The following PDE1A variants were observed in gnomAD, a reference collection of about 807,000 sequenced individuals.
PDE1A encodes the protein phosphodiesterase 1A.
In PDE1A, 35 loss-of-function variants were observed where a neutral mutation model predicts 61.7. The ratio of observed to expected loss-of-function variants is 0.57; its 90% CI spans 0.43 to 0.75. The LOEUF is 0.75. Among genes scored for constraint, PDE1A ranks in the 30% least tolerant of loss-of-function variants. The pLI is 0.00. For missense variants in PDE1A, 597 were observed against 630.6 expected, an observed-to-expected ratio of 0.95 and a Z score of 0.57; for synonymous variants, 232 against 213.2, an observed-to-expected ratio of 1.09 and a Z score of -0.77.
the PDE1A span, among the ~76,000 whole-genome samples, chr2:182,699,972 A>G: frequency 5.6e-3 from 856 of 152,254 alleles, 10 homozygotes; most frequent in Non-Finnish European, 8.2e-3. Context: ...TCAGCTGGCT[A>G]CTGGTGCTAC....
chr2:182,370,504 G>A (rs965954403), intron 1 of PDE1A, among the ~76,000 whole-genome samples: 2 of 152,152 alleles, frequency 1.3e-5, no homozygotes, highest in Admixed American at 1.3e-4. Context: ...ACAATGTCAG[G>A]CAATTTTTCT....
intron 1 of PDE1A, among the ~76,000 whole-genome samples, chr2:182,307,913 G>A (rs777800240): frequency 2.0e-5 from 3 of 151,834 alleles, no homozygotes; most frequent in Non-Finnish European, 2.9e-5. Flanking sequence ...TGTTGGTGAG[G>A]GTGTGGAGAA....
At chr2:182,390,700 C>T (rs1701370245) in intron 1 of PDE1A, among the ~76,000 whole-genome samples, 1 of 152,134 alleles carries the variant, frequency 6.6e-6, no homozygotes, top group Non-Finnish European at 1.5e-5. Context: ...TCAGCCTCAC[C>T]AGGTGTCTAC....
At chr2:182,632,360 T>C in the PDE1A span, among the ~76,000 whole-genome samples, 1 of 152,206 alleles carries the variant, frequency 6.6e-6, no homozygotes, top group Non-Finnish European at 1.5e-5. Context: ...ATGTAAGATT[T>C]AGCATCCACC....
At chr2:182,299,077 G>C (rs2125912009) in intron 1 of PDE1A, among the ~76,000 whole-genome samples, 1 of 152,108 alleles carries the variant, frequency 6.6e-6, no homozygotes, top group South Asian at 2.1e-4. Flanking sequence ...AATGTGTAGA[G>C]TATCAATTCC....
At chr2:182,685,592 T>G in the PDE1A span, among the ~76,000 whole-genome samples, 2 of 152,176 alleles carry the variant, frequency 1.3e-5, no homozygotes, top group Non-Finnish European at 2.9e-5. Flanking sequence ...TGCTTGCTAT[T>G]ATTAAAACGC....
intron 2 of PDE1A, among the ~76,000 whole-genome samples, chr2:182,433,016 C>T (rs545124670): frequency 6.6e-6 from 1 of 152,206 alleles, no homozygotes; most frequent in African/African-American, 2.4e-5. Flanking sequence ...CATCCTCCAC[C>T]TGGATCTCTA....
chr2:182,230,278 G>T, intron 5 of PDE1A, 132 bp from the exon 6 acceptor site: 1 of 658,716 alleles, frequency 1.5e-6, no homozygotes, highest in Non-Finnish European at 2.5e-6. Context: ...AATGTTGATT[G>T]TTCTGAAAAA....
At chr2:182,631,544 C>A in the PDE1A span, among the ~76,000 whole-genome samples, 2 of 152,120 alleles carry the variant, frequency 1.3e-5, no homozygotes, top group Non-Finnish European at 2.9e-5. Context: ...ACAGGCATAC[C>A]CCCCAGAAAC....
At chr2:182,706,070 G>C in the PDE1A span, among the ~76,000 whole-genome samples, 1 of 152,208 alleles carries the variant, frequency 6.6e-6, no homozygotes, top group African/African-American at 2.4e-5. Context: ...GAAGCCTATA[G>C]TCAAATGTGA....
intron 2 of PDE1A, among the ~76,000 whole-genome samples, chr2:182,485,804 T>C (rs748850607): frequency 5.9e-5 from 9 of 152,076 alleles, no homozygotes; most frequent in Non-Finnish European, 8.8e-5. Flanking sequence ...ATATTCATGA[T>C]TTTAAAAAAT....
the PDE1A span, among the ~76,000 whole-genome samples, chr2:182,714,098 C>T: frequency 6.6e-6 from 1 of 152,174 alleles, no homozygotes; most frequent in Admixed American, 6.5e-5. Flanking sequence ...ATGGGTTCTT[C>T]TTCTTCAGCC....
chr2:182,237,135 G>A (rs907339955), intron 3 of PDE1A, among the ~76,000 whole-genome samples: 4 of 152,172 alleles, frequency 2.6e-5, no homozygotes, highest in Admixed American at 2.6e-4. Flanking sequence ...AACTGGAAAT[G>A]TAGTGGATTA....
At chr2:182,389,557 A>G (rs1701304656) in intron 1 of PDE1A, among the ~76,000 whole-genome samples, 1 of 152,204 alleles carries the variant, frequency 6.6e-6, no homozygotes, top group Non-Finnish European at 1.5e-5. Context: ...AATAAATAAA[A>G]TAAAACCAAA....
At chr2:182,149,474 C>A (rs1005742402) in intron 13 of PDE1A, among the ~76,000 whole-genome samples, 1 of 152,210 alleles carries the variant, frequency 6.6e-6, no homozygotes, top group South Asian at 2.1e-4. Context: ...AGTTTCGTAG[C>A]ACTGAAAAAG....
the PDE1A span, among the ~76,000 whole-genome samples, chr2:182,671,361 TG>T: frequency 6.8e-4 from 78 of 114,158 alleles, no homozygotes; most frequent in South Asian, 2.9e-3. Flanking sequence ...TTTTTTTTTT[TG>T]TATTTTTAGT....
chr2:182,328,612 T>C (rs908315885), intron 1 of PDE1A, among the ~76,000 whole-genome samples: 12 of 152,126 alleles, frequency 7.9e-5, no homozygotes, highest in Non-Finnish European at 1.8e-4. Context: ...GGCTGGAGAC[T>C]GAGATGCTAG....
At chr2:182,359,305 C>T (rs571791035) in intron 1 of PDE1A, among the ~76,000 whole-genome samples, 1 of 152,224 alleles carries the variant, frequency 6.6e-6, no homozygotes, top group African/African-American at 2.4e-5. Flanking sequence ...AGTGGATAGT[C>T]TCTTAAAAAG....
chr2:182,280,403 C>A (rs1026422870), intron 1 of PDE1A, among the ~76,000 whole-genome samples: 1 of 151,994 alleles, frequency 6.6e-6, no homozygotes, highest in Admixed American at 6.6e-5. Flanking sequence ...GATTCTATGA[C>A]CTCACTTCTG....
Sources: allele counts gnomAD v4.1 joint callset (sites outside exome capture counted in the v4.1 genomes callset), GRCh38; gene constraint gnomAD v4.1.1; transcripts MANE v1.5; gene names NCBI Gene and HGNC (gene_info 2026-07-23, HGNC 2026-07-21).